Variants in ZNF385C observed in about 807,000 individuals in gnomAD.
The protein encoded by ZNF385C is CTD-2132N18.2.
ZNF385C carries 28 observed loss-of-function variants against 35.4 expected under a neutral mutation model. The ratio of observed to expected loss-of-function variants is 0.79; its 90% CI spans 0.59 to 1.08. The LOEUF is 1.08. Among genes scored for constraint, ZNF385C ranks in the 50% least tolerant of loss-of-function variants. The pLI is 0.00. For synonymous variants in ZNF385C, 248 were observed against 248.2 expected (o/e 1.00, Z 0.01); for missense variants, 605 against 595.6 (o/e 1.02, Z -0.16).
At chr17:42,086,945 C>T (rs2053815954) in intron 1 of ZNF385C, among the ~76,000 whole-genome samples, 1 of 151,032 alleles carries the variant, frequency 6.6e-6, no homozygotes, top group African/African-American at 2.4e-5. Flanking sequence ...TCTCCTGCCT[C>T]AGCCTCCCAA....
intron 2 of ZNF385C, chr17:42,043,028 A>G: frequency 8.1e-7 from 1 of 1,232,294 alleles, no homozygotes; most frequent in Non-Finnish European, 1.0e-6. Flanking sequence ...ACGCCCCTGG[A>G]GGCAGGGGTC....
intron 1 of ZNF385C, among the ~76,000 whole-genome samples, chr17:42,082,906 C>T (rs985284570): frequency 1.3e-5 from 2 of 152,074 alleles, no homozygotes; most frequent in East Asian, 1.9e-4. Context: ...GGTGAAGACC[C>T]GTCTCTACTA....
intron 1 of ZNF385C, among the ~76,000 whole-genome samples, chr17:42,090,277 C>CTTTTT (rs1162613191): frequency 4.0e-5 from 4 of 98,892 alleles, no homozygotes; most frequent in Admixed American, 1.0e-4. Flanking sequence ...CTCTTATTCC[C>CTTTTT]TTTTTTTTTT....
At chr17:42,086,094 T>A (rs2053804030) in intron 1 of ZNF385C, among the ~76,000 whole-genome samples, 2 of 151,820 alleles carry the variant, frequency 1.3e-5, no homozygotes. Flanking sequence ...ACATTTAAAT[T>A]TAAATTTAAA....
rs537714239 is a variant in ZNF385C at position 42,084,176 on chromosome 17, T to G, written c.-3+14234A>C. On this transcript the variant is annotated intron_variant, in intron 1 of 8. Coordinates refer to ENST00000692273, the MANE Select transcript of ZNF385C (RefSeq NM_001392013.1). ...CTGTGCTGAACATATCAAGACCTCA[T>G]ATCTGAAAAAAAAAAAAATAGCTAG... Among the ~76,000 whole-genome samples the G allele has an allele frequency of 1.3e-4, 19 of 150,210 alleles. No homozygotes were observed. In the East Asian group the frequency reaches 3.5e-3, roughly 28 times the overall value.
In ZNF385C at chr17:42,062,945, T is replaced by C. The variant is rs1229814051; in HGVS notation, c.112A>G (p.Lys38Glu). The change falls in exon 2 of 9, where the codon AAG (lysine) becomes GAG (glutamate). Residue 38 changes from lysine (K) to glutamate (E), a missense_variant. Physicochemically the swap from Lys to Glu is moderately conservative, Grantham distance 56. Transcript: ENST00000692273. ...TCACAGAGCGTGTACGATGGCCGCT[T>C]TCTTTCTCGCTTGGGCTTAGGTGGT... Reference protein sequence around the residue: ...PEPPKPKRERKRPSYTLCDVC... With the variant: ...PEPPKPKRERERPSYTLCDVC... 6 of 695,568 alleles carry C rather than the reference T, an allele frequency of 8.6e-6. No individual in the cohort carries two copies. In the East Asian group the frequency reaches 1.7e-4, roughly 19 times the overall value. The allele number at this position is 695,568 out of a possible 1,614,324, so 43.1% of individuals were successfully genotyped here.
At chr17:42,057,638 A>G (rs1048320047) in intron 2 of ZNF385C, among the ~76,000 whole-genome samples, 1 of 151,970 alleles carries the variant, frequency 6.6e-6, no homozygotes, top group African/African-American at 2.4e-5. Flanking sequence ...AGAAGGCTCA[A>G]GATGCATTCC....
intron 2 of ZNF385C, chr17:42,040,229 G>C (rs1357181713): frequency 9.7e-6 from 12 of 1,231,588 alleles, no homozygotes; most frequent in Middle Eastern, 3.1e-4. Context: ...GAGTCCTGTA[G>C]GCCCTTCCGC....
intron 2 of ZNF385C, chr17:42,038,610 G>GA (rs3214150): frequency 0.044 from 6,219 of 140,532 alleles, 172 homozygotes; most frequent in Non-Finnish European, 0.068. Flanking sequence ...GAAAATATCA[G>GA]AAAAAAAAAA....
At chr17:42,073,067 G>A (rs868923924) in intron 1 of ZNF385C, among the ~76,000 whole-genome samples, 1 of 152,182 alleles carries the variant, frequency 6.6e-6, no homozygotes, top group African/African-American at 2.4e-5. Flanking sequence ...TGGGTGCCAG[G>A]GGGATCACAC....
chr17:42,038,401 G>A (rs2052916654), intron 2 of ZNF385C: 1 of 297,230 alleles, frequency 3.4e-6, no homozygotes, highest in Non-Finnish European at 6.3e-6. Flanking sequence ...GGCTCTGAAG[G>A]GATGTGCTCC....
At chr17:42,029,786 C>A (rs1273743525) in intron 5 of ZNF385C, among the ~76,000 whole-genome samples, 1 of 152,056 alleles carries the variant, frequency 6.6e-6, no homozygotes, top group Non-Finnish European at 1.5e-5. Context: ...GTGATCCCAA[C>A]ACTTTGGGAG....
intron 2 of ZNF385C, among the ~76,000 whole-genome samples, chr17:42,055,757 T>C (rs1233847775): frequency 6.6e-6 from 1 of 152,086 alleles, no homozygotes; most frequent in Non-Finnish European, 1.5e-5. Context: ...AGCCAGTGAC[T>C]CAGGCGTGAC....
At chr17:42,053,820 C>G (rs2053327246) in intron 2 of ZNF385C, among the ~76,000 whole-genome samples, 1 of 152,112 alleles carries the variant, frequency 6.6e-6, no homozygotes, top group Non-Finnish European at 1.5e-5. Context: ...CTTCCCAGCC[C>G]GGGCGTCATC....
intron 3 of ZNF385C, among the ~76,000 whole-genome samples, chr17:42,035,118 C>CAAAAAAAAAAAA (rs1239388932): frequency 1.2e-5 from 1 of 81,490 alleles, no homozygotes; most frequent in Non-Finnish European, 2.2e-5. Flanking sequence ...GACTCTGTCT[C>CAAAAAAAAAAAA]AAAAAAAAAA....
Position 42,028,184 on chromosome 17 carries a change from G to C in ZNF385C, c.1030C>G (p.Pro344Ala), listed in dbSNP as rs1417313376. 5 of 1,594,566 alleles carry C rather than the reference G, an allele frequency of 3.1e-6. No individual in the cohort carries two copies. In the African/African-American group the frequency reaches 6.8e-5, roughly 22 times the overall value. ...TGTCCGGCACCTCCCCTGGACACCG[G>C]GCGGCCCCGGCTCCTCCGGGGAGCC... ...RGAPRRSRGR[P>A]VSRGGAGHKA... The change falls in exon 7 of 9, where the codon CCG becomes GCG. Residue 344 changes from proline (P) to alanine (A), a missense_variant. Pro to Ala is a conservative substitution (Grantham distance 27). Transcript: ENST00000692273.
chr17:42,040,877 G>A (rs571169356), intron 2 of ZNF385C: 28 of 1,232,198 alleles, frequency 2.3e-5, no homozygotes, highest in South Asian at 4.1e-5. Context: ...CAAGTGGCCC[G>A]GAGCTGTGGG....
At chr17:42,049,488 A>T (rs915284765) in intron 2 of ZNF385C, among the ~76,000 whole-genome samples, 1 of 152,232 alleles carries the variant, frequency 6.6e-6, no homozygotes, top group African/African-American at 2.4e-5. Flanking sequence ...GGCAGTGAAT[A>T]AGAAAGAGCA....
At chr17:42,089,416 A>G (rs970405030) in intron 1 of ZNF385C, among the ~76,000 whole-genome samples, 3 of 152,152 alleles carry the variant, frequency 2.0e-5, no homozygotes, top group Admixed American at 2.0e-4. Context: ...CTTTAGGAGA[A>G]TGCTTGCCCC....
Sources: allele counts gnomAD v4.1 joint callset (sites outside exome capture counted in the v4.1 genomes callset), GRCh38; gene constraint gnomAD v4.1.1; transcripts MANE v1.5; gene names NCBI Gene and HGNC (gene_info 2026-07-23, HGNC 2026-07-21).